Variants in AFF2 observed in about 807,000 individuals in gnomAD.
AFF2 encodes the protein AF4/FMR2 family member 2.
A neutral mutation model predicts 76.9 loss-of-function variants in AFF2; 14 were observed. That is an observed-to-expected ratio of 0.18 (90% confidence interval 0.12 to 0.28). The LOEUF is 0.28. Ranked by LOEUF, AFF2 falls within the 10% of genes least tolerant of loss-of-function variation. AFF2 has a pLI of 1.00. For synonymous variants in AFF2, 398 were observed against 366.7 expected (o/e 1.09, Z -0.98); for missense variants, 868 against 1,001.1 (o/e 0.87, Z 1.79).
chrX:148,874,707 T>C (rs1272632924), intron 7 of AFF2, among the ~76,000 whole-genome samples: 1 of 112,068 alleles, frequency 8.9e-6, no homozygotes, highest in Admixed American at 9.5e-5. Flanking sequence ...TGTCATTTGT[T>C]GACAGTGGCC....
intron 3 of AFF2, among the ~76,000 whole-genome samples, chrX:148,724,981 G>A (rs782682471): frequency 7.2e-5 from 8 of 110,578 alleles, no homozygotes; most frequent in Non-Finnish European, 1.1e-4. Context: ...ATAATACTAG[G>A]CACACGGGTA....
intron 1 of AFF2, among the ~76,000 whole-genome samples, chrX:148,543,066 G>C (rs1489906972): frequency 1.8e-5 from 2 of 111,709 alleles, no homozygotes; most frequent in Non-Finnish European, 3.8e-5. Flanking sequence ...CTAGAGGGCA[G>C]AGCCAGGACT....
chrX:148,781,895 G>A (rs782304259), intron 3 of AFF2, among the ~76,000 whole-genome samples: 133 of 111,551 alleles, frequency 1.2e-3, no homozygotes, highest in Non-Finnish European at 2.6e-4. Context: ...TAGTATCTGG[G>A]CTGGATAGCA....
intron 19 of AFF2, among the ~76,000 whole-genome samples, chrX:148,981,332 A>G (rs2072389726): frequency 9.0e-6 from 1 of 111,082 alleles, no homozygotes; most frequent in South Asian, 3.9e-4. Context: ...CTGAGGCCTT[A>G]TTTAGAGTTC....
At chrX:148,749,199 A>G (rs782130486) in intron 3 of AFF2, among the ~76,000 whole-genome samples, 7 of 111,147 alleles carry the variant, frequency 6.3e-5, no homozygotes, top group Admixed American at 9.5e-5. Context: ...TACACACAAT[A>G]TCATCATTTT....
chrX:148,612,029 G>T (rs999971648), intron 1 of AFF2, among the ~76,000 whole-genome samples: 2 of 111,697 alleles, frequency 1.8e-5, no homozygotes, highest in Non-Finnish European at 3.8e-5. Flanking sequence ...TTATTTTCCT[G>T]TGCTATTAAT....
chrX:148,629,858 C>A (rs1383932913), intron 1 of AFF2, among the ~76,000 whole-genome samples: 4 of 111,668 alleles, frequency 3.6e-5, no homozygotes, highest in Non-Finnish European at 7.5e-5. Flanking sequence ...TGGATGGAAC[C>A]AAACTCACCA....
chrX:148,795,229 A>C lies in AFF2; in HGVS notation c.1042-14647A>C, dbSNP rs73638191. Among the ~76,000 whole-genome samples the C allele has an allele frequency of 7.1e-3, 794 of 111,389 alleles. 6 individuals are homozygous for C. Among genetic ancestry groups the C allele is most frequent in the African/African-American group, 0.024 (746 of 30,648 alleles). ...AATTCCCTCATTCCCCTTTGTTTTC[A>C]TATGCCACCAGGGTTCTGTTCTTAA... On this transcript the variant is annotated intron_variant, in intron 3 of 20. Coordinates refer to ENST00000370460, the MANE Select transcript of AFF2 (RefSeq NM_002025.4).
intron 3 of AFF2, among the ~76,000 whole-genome samples, chrX:148,776,852 T>C (rs2069673996): frequency 8.9e-6 from 1 of 112,282 alleles, no homozygotes. Flanking sequence ...AGAAGCTTTT[T>C]AGTTGAATTA....
At chrX:148,511,961 A>G (rs2052487361) in intron 1 of AFF2, among the ~76,000 whole-genome samples, 1 of 112,624 alleles carries the variant, frequency 8.9e-6, no homozygotes, top group Non-Finnish European at 1.9e-5. Context: ...TCAGGAAGAC[A>G]GACAGAAACA....
At chrX:148,958,182 C>A (rs898698114) in intron 11 of AFF2, among the ~76,000 whole-genome samples, 155 bp from the exon 12 acceptor site, 36 of 112,108 alleles carry the variant, frequency 3.2e-4, no homozygotes, top group African/African-American at 4.9e-4. Flanking sequence ...GATTGCTTTT[C>A]TGTCTGATCA....
chrX:148,514,124 TA>T (rs2052511356), intron 1 of AFF2, among the ~76,000 whole-genome samples: 1 of 112,003 alleles, frequency 8.9e-6, no homozygotes, highest in Non-Finnish European at 1.9e-5. Context: ...TTCTTGGGGT[TA>T]ATGTGACTTT....
At chrX:148,878,539 C>T (rs782084816) in intron 7 of AFF2, among the ~76,000 whole-genome samples, 32 of 111,810 alleles carry the variant, frequency 2.9e-4, no homozygotes, top group African/African-American at 9.4e-4. Context: ...TGAATGAATT[C>T]CTATTCCTCC....
intron 3 of AFF2, among the ~76,000 whole-genome samples, chrX:148,716,001 C>A (rs1048266172): frequency 9.1e-6 from 1 of 110,362 alleles, no homozygotes; most frequent in African/African-American, 3.3e-5. Flanking sequence ...AGCATCATTT[C>A]TCTCTCTCTC....
chrX:148,522,909 TG>T (rs2052617058), intron 1 of AFF2, among the ~76,000 whole-genome samples: 1 of 112,646 alleles, frequency 8.9e-6, no homozygotes, highest in South Asian at 3.6e-4. Context: ...ATCACACATG[TG>T]GGCATGCAAA....
intron 3 of AFF2, among the ~76,000 whole-genome samples, chrX:148,739,021 C>T (rs189139209): frequency 1.4e-4 from 16 of 111,710 alleles, no homozygotes; most frequent in Admixed American, 2.8e-4. Context: ...TGTATTGAGG[C>T]GCATTTTGTG....
At chrX:148,658,657 C>G (rs1458281417) in intron 2 of AFF2, among the ~76,000 whole-genome samples, 1 of 112,547 alleles carries the variant, frequency 8.9e-6, no homozygotes, top group South Asian at 3.6e-4. Context: ...TTCCTTTTCA[C>G]ATTTTATTAT....
intron 4 of AFF2, among the ~76,000 whole-genome samples, chrX:148,820,360 G>A (rs1279095869): frequency 9.0e-6 from 1 of 111,293 alleles, no homozygotes; most frequent in Non-Finnish European, 1.9e-5. Context: ...AAAAATCCAA[G>A]CTCCTAGAAA....
intron 5 of AFF2, among the ~76,000 whole-genome samples, chrX:148,839,664 T>A (rs998520326): frequency 8.9e-6 from 1 of 111,844 alleles, no homozygotes; most frequent in Non-Finnish European, 1.9e-5. Flanking sequence ...CATCCCTATA[T>A]GTAACAAAGG....
Sources: gnomAD v4.1 joint callset for allele counts (sites outside exome capture counted in the v4.1 genomes callset) on GRCh38, gnomAD v4.1.1 for gene constraint, MANE v1.5 for transcripts, NCBI Gene and HGNC (gene_info 2026-07-23, HGNC 2026-07-21) for gene names.